Variants in INSL6 observed in about 807,000 individuals in gnomAD.
INSL6 encodes the protein insulin-like peptide INSL6.
A neutral mutation model predicts 9.4 loss-of-function variants in INSL6; 16 were observed. That is an observed-to-expected ratio of 1.70 (90% CI 1.15 to 2.59). The LOEUF (loss-of-function observed/expected upper bound fraction) is 2.59, where lower values mean the gene tolerates loss of function less well. INSL6 is among the 30% of genes most tolerant of loss of function. The pLI is 0.00. For missense variants in INSL6, 391 were observed against 257.3 expected, an observed-to-expected ratio of 1.52 and a Z score of -3.56; for synonymous variants, 154 against 96.9, an observed-to-expected ratio of 1.59 and a Z score of -3.46.
At chr9:4,997,662 C>T in the INSL6 span, among the ~76,000 whole-genome samples, 3 of 152,128 alleles carry the variant, frequency 2.0e-5, no homozygotes, top group South Asian at 4.2e-4. Context: ...CTTGCTGTAC[C>T]CCTCAGCCTC....
At chr9:4,995,803 A>C in the INSL6 span, among the ~76,000 whole-genome samples, 2 of 152,132 alleles carry the variant, frequency 1.3e-5, no homozygotes, top group Non-Finnish European at 2.9e-5. Context: ...TCTATTTCTG[A>C]TTTTAAACTT....
At chr9:5,139,304 T>C (rs576157369) in intron 2 of INSL6, among the ~76,000 whole-genome samples, 5 of 152,310 alleles carry the variant, frequency 3.3e-5, no homozygotes, top group Middle Eastern at 3.4e-3. Flanking sequence ...CATTTGTTCA[T>C]AGTTGGATTA....
At chr9:5,040,494 C>G in the INSL6 span, among the ~76,000 whole-genome samples, 456 of 152,298 alleles carry the variant, frequency 3.0e-3, 1 homozygote, top group African/African-American at 0.011. Flanking sequence ...TCAAAGCACA[C>G]TATCAAAAAT....
In INSL6 at chr9:5,173,088, A is replaced by T. The variant is rs545345904; in HGVS notation, c.290-8823T>A. Among the ~76,000 whole-genome samples, 17 of 152,340 alleles carry T rather than the reference A, an allele frequency of 1.1e-4. 1 individual carries two copies. In the South Asian group the frequency reaches 3.5e-3, roughly 32 times the overall value. ...TGAGATACTATCTCACGACAGTCAG[A>T]ATAGCAATTATTACAAAGTCAAGAA... On this transcript the variant is annotated intron_variant, in intron 1 of 1. Transcript: ENST00000381641.
At chr9:5,079,740 A>C in the INSL6 span, among the ~76,000 whole-genome samples, 1 of 152,212 alleles carries the variant, frequency 6.6e-6, no homozygotes, top group East Asian at 1.9e-4. Context: ...GGATCACTTA[A>C]GCCCAAGAGG....
Position 5,147,550 on chromosome 9 carries a change from G to A in INSL6, c.377-13958C>T, listed in dbSNP as rs28635406. Among the ~76,000 whole-genome samples the A allele has an allele frequency of 2.3e-3, 345 of 152,282 alleles. 2 individuals carry two copies. The highest frequency in any genetic ancestry group is 7.9e-3 in the African/African-American group (328 of 41,570). On this transcript the variant is annotated intron_variant, in intron 2 of 3. Coordinates refer to the INSL6 transcript ENST00000649639. ...GAAGACTGCCTGGTAAGGAGATTTC[G>A]GAATGGGGTTTCTTGCTGGAGTTCT...
At chr9:5,012,431 C>T in the INSL6 span, among the ~76,000 whole-genome samples, 1 of 152,036 alleles carries the variant, frequency 6.6e-6, no homozygotes, top group Non-Finnish European at 1.5e-5. Context: ...GTATAAACTA[C>T]TCTCTCATTA....
the INSL6 span, chr9:5,044,528 T>A: frequency 1.4e-6 from 2 of 1,443,088 alleles, no homozygotes; most frequent in Non-Finnish European, 1.9e-6. Flanking sequence ...CAGGTATGAT[T>A]ATATTATCTT....
the INSL6 span, chr9:5,072,696 G>A: frequency 6.8e-5 from 77 of 1,125,284 alleles, no homozygotes; most frequent in African/African-American, 6.1e-4. Flanking sequence ...TGCATACAAC[G>A]TACTCATGTG....
intron 1 of INSL6, among the ~76,000 whole-genome samples, chr9:5,179,708 G>C (rs932256271): frequency 1.3e-5 from 2 of 152,210 alleles, no homozygotes; most frequent in African/African-American, 4.8e-5. Flanking sequence ...CATGGATGGA[G>C]TTGGAAACCA....
chr9:5,002,841 A>G, the INSL6 span, among the ~76,000 whole-genome samples: 16 of 152,104 alleles, frequency 1.1e-4, no homozygotes, highest in East Asian at 3.1e-3. Flanking sequence ...TTCTATGATT[A>G]GTGTTTTTAT....
chr9:5,033,812 C>T, the INSL6 span, among the ~76,000 whole-genome samples: 1 of 152,132 alleles, frequency 6.6e-6, no homozygotes, highest in Admixed American at 6.5e-5. Flanking sequence ...ACCATCGAGG[C>T]TAGGAAGAAA....
chr9:5,066,449 C>T, the INSL6 span, among the ~76,000 whole-genome samples: 1 of 151,934 alleles, frequency 6.6e-6, no homozygotes, highest in East Asian at 1.9e-4. Flanking sequence ...TTATAAATAC[C>T]TTTTATTGGT....
At chr9:5,179,895 G>C (rs1383421500) in intron 1 of INSL6, among the ~76,000 whole-genome samples, 2 of 152,152 alleles carry the variant, frequency 1.3e-5, no homozygotes, top group African/African-American at 4.8e-5. Context: ...AATGGATGCT[G>C]GGATTAATAC....
chr9:5,164,063 C>A lies in INSL6; in HGVS notation c.492G>T (p.Gly164=). The A allele has an allele frequency of 6.2e-7, 1 of 1,613,582 alleles. No individual in the cohort carries two copies. The highest frequency in any genetic ancestry group is 1.7e-5 in the Admixed American group (1 of 59,998). The change falls in exon 2 of 2, where the codon GGG becomes GGT. Residue 164 remains glycine (G), a synonymous_variant. Coordinates refer to ENST00000381641, the MANE Select transcript of INSL6 (RefSeq NM_007179.3). ...CTCTGCGTTTTCTTTGGGGATGATG[C>A]CCCCAAAACAAATTGCTTAAGGTTT... ...KIKTLSNLFW[G]HHPQRKRRGY...
chr9:5,082,627 C>T, the INSL6 span, among the ~76,000 whole-genome samples: 703 of 152,356 alleles, frequency 4.6e-3, 5 homozygotes, highest in African/African-American at 0.015. Context: ...TCCCATCCCA[C>T]GAGGCCATAT....
the INSL6 span, chr9:5,097,023 C>T: frequency 2.0e-4 from 31 of 152,214 alleles, no homozygotes; most frequent in African/African-American, 6.0e-4. Context: ...CAATAGAAGC[C>T]GGTGCTGGAA....
At chr9:5,052,710 C>G in the INSL6 span, among the ~76,000 whole-genome samples, 1 of 152,038 alleles carries the variant, frequency 6.6e-6, no homozygotes, top group Non-Finnish European at 1.5e-5. Context: ...TTTCCTGTCT[C>G]AAACATTTCA....
chr9:5,094,916 C>A, the INSL6 span: 1 of 152,256 alleles, frequency 6.6e-6, no homozygotes, highest in East Asian at 1.9e-4. Context: ...TCCACTACAA[C>A]CAACTCATAT....
Sources: allele counts gnomAD v4.1 joint callset (sites outside exome capture counted in the v4.1 genomes callset), GRCh38; gene constraint gnomAD v4.1.1; transcripts MANE v1.5; gene names NCBI Gene and HGNC (gene_info 2026-07-23, HGNC 2026-07-21).